The following GYS2 variants were observed in gnomAD, a reference collection of about 807,000 sequenced individuals.
GYS2 encodes the protein glycogen synthase 2, also known as glycogen [starch] synthase, liver.
A neutral mutation model predicts 85.6 loss-of-function variants in GYS2; 80 were observed. The observed-to-expected ratio is 0.93, with a 90% CI of 0.78 to 1.13. GYS2 has a LOEUF of 1.13. Among genes scored for constraint, GYS2 ranks in the 50% most tolerant of loss-of-function variants. The probability of loss-of-function intolerance (pLI) is 0.00; values close to 1 mark genes in which losing one functional copy is unlikely to be tolerated. For synonymous variants in GYS2, 328 were observed against 300.7 expected, an observed-to-expected ratio of 1.09 and a Z score of -0.94; for missense variants, 881 against 854.9, an observed-to-expected ratio of 1.03 and a Z score of -0.38.
intron 11 of GYS2, among the ~76,000 whole-genome samples, chr12:21,554,844 T>C (rs185757645): frequency 6.6e-6 from 1 of 152,308 alleles, no homozygotes; most frequent in East Asian, 1.9e-4. Flanking sequence ...TGGAAAATTG[T>C]TTCACTGATG....
rs1466967538 is a variant in GYS2 at position 21,563,208 on chromosome 12, T to C, written c.941+20A>G. The C allele has an allele frequency of 7.0e-7, 1 of 1,432,540 alleles. No individual in the cohort carries two copies. The highest frequency in any genetic ancestry group is 1.7e-5 in the Admixed American group (1 of 59,822). 88.7% of individuals were successfully genotyped at this position (1,432,540 alleles called of 1,614,324 possible). On this transcript the variant is annotated intron_variant, in intron 6 of 15. Transcript: ENST00000261195. ...CTCATATCTGATACTTCTTTTTCTT[T>C]TTAATAAAGAAAATCATACCCATAG...
chr12:21,590,125 C>T (rs1046440741), intron 1 of GYS2, among the ~76,000 whole-genome samples: 2 of 152,120 alleles, frequency 1.3e-5, no homozygotes, highest in African/African-American at 4.8e-5. Flanking sequence ...CACCAGCAAC[C>T]CATTTATAGC....
At position 21,576,053 on chromosome 12, in the gene GYS2, T is replaced by C. The variant is rs376308462; in HGVS notation, c.308A>G (p.His103Arg). 2.5e-6 allele frequency: 4 copies of C among 1,611,514 alleles called. No individual in the cohort carries two copies. Among genetic ancestry groups the C allele is most frequent in the Non-Finnish European group, 3.4e-6 (4 of 1,179,104 alleles). The change falls in exon 3 of 16, where the codon CAT becomes CGT. Residue 103 changes from histidine to arginine, a missense_variant. Coordinates refer to ENST00000261195, the MANE Select transcript of GYS2 (RefSeq NM_021957.4). ...TCCTTCTATCAGCCATCTTCCAAAA[T>C]GCACCTGTCATATAAAGAACACAGC... ...DAMNKHGCQV[H>R]FGRWLIEGSP... is the part of the protein sequence containing the mutation.
chr12:21,570,848 C>G (rs1208759441), intron 4 of GYS2, among the ~76,000 whole-genome samples: 1 of 152,186 alleles, frequency 6.6e-6, no homozygotes, highest in Non-Finnish European at 1.5e-5. Context: ...GTGGTAAAGA[C>G]AGAGCCAGTG....
intron 11 of GYS2, among the ~76,000 whole-genome samples, chr12:21,549,391 C>T (rs1230048257): frequency 6.6e-6 from 1 of 152,152 alleles, no homozygotes; most frequent in Admixed American, 6.5e-5. Context: ...GTGGGAAATA[C>T]ACAAACAAGA....
intron 13 of GYS2, 29 bp from the exon 14 acceptor site, chr12:21,540,602 T>TAAAA (rs1197596743): frequency 6.3e-7 from 1 of 1,597,842 alleles, no homozygotes; most frequent in Non-Finnish European, 8.6e-7. Context: ...AAAGCACAAG[T>TAAAA]AAAAGTAGGA....
At chr12:21,564,385 C>T (rs1015732405) in intron 5 of GYS2, among the ~76,000 whole-genome samples, 2 of 151,872 alleles carry the variant, frequency 1.3e-5, no homozygotes, top group African/African-American at 4.8e-5. Context: ...GAGCTGAAAT[C>T]ACGCCACTGC....
intron 1 of GYS2, among the ~76,000 whole-genome samples, chr12:21,596,014 A>G (rs1269679787): frequency 6.6e-6 from 1 of 152,192 alleles, no homozygotes; most frequent in Non-Finnish European, 1.5e-5. Flanking sequence ...CAGCGCGTGG[A>G]AATTTCTCCA....
chr12:21,567,414 A>T (rs1246950894), intron 5 of GYS2, among the ~76,000 whole-genome samples: 1 of 152,186 alleles, frequency 6.6e-6, no homozygotes, highest in Non-Finnish European at 1.5e-5. Context: ...AAACTCCCAA[A>T]AGAAGAATGA....
intron 3 of GYS2, among the ~76,000 whole-genome samples, 200 bp from the exon 4 acceptor site, chr12:21,574,526 A>C (rs1424017588): frequency 1.3e-5 from 2 of 152,162 alleles, no homozygotes; most frequent in Non-Finnish European, 2.9e-5. Context: ...TTTAGGTCTT[A>C]ATCCTCCCTT....
At chr12:21,598,856 G>T (rs895266243) in intron 1 of GYS2, among the ~76,000 whole-genome samples, 5 of 151,992 alleles carry the variant, frequency 3.3e-5, no homozygotes, top group Non-Finnish European at 7.4e-5. Flanking sequence ...CTATTTTCCT[G>T]GAACAACATG....
Position 21,574,248 on chromosome 12 carries a change from G to A in GYS2, c.574C>T (p.Arg192Ter), listed in dbSNP as rs150382575. The change falls in exon 4 of 16, where the codon CGA becomes TGA. Residue 192 changes from arginine (R) to a stop codon, truncating the protein, a stop_gained. Transcript: ENST00000261195. LOFTEE classifies it high-confidence loss of function. Reference protein sequence around the residue: ...WQAGIGLILSRARKLPIATIF... With the variant: ...WQAGIGLILS ...GTGGCAATAGGAAGTTTCCTGGCTC[G>A]AGAAAGGATCAGTCCAATTCCAGCC... is the stretch of plus-strand genomic sequence containing the variant. 75 of 1,613,550 alleles carry A rather than the reference G, an allele frequency of 4.6e-5. No individual in the cohort carries two copies. Among genetic ancestry groups the A allele is most frequent in the Middle Eastern group, 1.6e-4 (1 of 6,062 alleles).
intron 1 of GYS2, among the ~76,000 whole-genome samples, chr12:21,603,194 G>C (rs898959440): frequency 2.0e-5 from 3 of 152,064 alleles, no homozygotes; most frequent in African/African-American, 4.8e-5. Flanking sequence ...AGAAACAACA[G>C]AAACAGGTAC....
At chr12:21,571,715 C>G (rs774299005) in intron 4 of GYS2, among the ~76,000 whole-genome samples, 2 of 152,122 alleles carry the variant, frequency 1.3e-5, no homozygotes, top group African/African-American at 2.4e-5. Context: ...GTAATCCCAG[C>G]ACTTTGGGAG....
chr12:21,550,722 C>A (rs1043310039), intron 11 of GYS2, among the ~76,000 whole-genome samples: 14 of 152,128 alleles, frequency 9.2e-5, no homozygotes, highest in African/African-American at 3.4e-4. Context: ...AGGTAGATCA[C>A]CTGAGGTCAG....
chr12:21,557,055 T>C (rs1944188727), intron 11 of GYS2, among the ~76,000 whole-genome samples: 1 of 152,176 alleles, frequency 6.6e-6, no homozygotes, highest in Non-Finnish European at 1.5e-5. Flanking sequence ...GGAAAAAATG[T>C]AAGGATAGGT....
chr12:21,540,584 C>T lies in GYS2; in HGVS notation c.1646-11G>A, dbSNP rs376088262. On this transcript the variant is annotated splice_polypyrimidine_tract_variant and intron_variant, in intron 13 of 15. Transcript: ENST00000261195. ...CAACGATGTAAATACCTGAAGAACA[C>T]AAAAGCCAAAGCACAAGTAAAAGTA... 67 of 1,612,132 alleles carry T rather than the reference C, an allele frequency of 4.2e-5. No homozygotes were observed. Among genetic ancestry groups the T allele is most frequent in the Non-Finnish European group, 5.4e-5 (64 of 1,178,386 alleles).
At position 21,563,348 on chromosome 12, in the gene GYS2, A is replaced by T. The variant is rs1222141904; in HGVS notation, c.824-3T>A. On this transcript the variant is annotated splice_region_variant and splice_polypyrimidine_tract_variant and intron_variant, in intron 5 of 15. Coordinates refer to ENST00000261195, the MANE Select transcript of GYS2 (RefSeq NM_021957.4). ...CAAGCCGTTTGGAGTAACTACATCT[A>T]GAAAGGCAAAACAAAATTATTATGA... is the stretch of plus-strand genomic sequence containing the variant. 7 of 1,444,072 alleles carry T rather than the reference A, an allele frequency of 4.8e-6. No individual in the cohort carries two copies. The highest frequency in any genetic ancestry group is 6.8e-6 in the Non-Finnish European group (7 of 1,024,742). The allele number at this position is 1,444,072 out of a possible 1,614,324, so 89.5% of individuals were successfully genotyped here.
intron 1 of GYS2, among the ~76,000 whole-genome samples, chr12:21,594,373 C>G (rs1944672708): frequency 6.6e-6 from 1 of 152,114 alleles, no homozygotes; most frequent in South Asian, 2.1e-4. Context: ...CACCAAAGCA[C>G]TCTTAGCGCT....
Sources: allele counts gnomAD v4.1 joint callset (sites outside exome capture counted in the v4.1 genomes callset), GRCh38; gene constraint gnomAD v4.1.1; transcripts MANE v1.5; gene names NCBI Gene and HGNC (gene_info 2026-07-23, HGNC 2026-07-21).